The following GTF2IRD1 variants were observed in gnomAD, a reference collection of about 807,000 sequenced individuals.
The protein encoded by GTF2IRD1 is GTF2I repeat domain containing 1.
Under a neutral mutation model 113.2 loss-of-function variants are expected in GTF2IRD1, and 26 were observed. The ratio of observed to expected loss-of-function variants is 0.23; its 90% CI spans 0.17 to 0.32. The LOEUF is 0.32. Ranked by LOEUF, GTF2IRD1 falls within the 10% of genes least tolerant of loss-of-function variation. The probability of loss-of-function intolerance (pLI) is 1.00; values close to 1 mark genes in which losing one functional copy is unlikely to be tolerated. For missense variants in GTF2IRD1, 864 were observed against 1,280.8 expected, an observed-to-expected ratio of 0.67 and a Z score of 4.97; for synonymous variants, 484 against 529.1, an observed-to-expected ratio of 0.91 and a Z score of 1.17.
chr7:74,536,597 C>T (rs1167571325), intron 11 of GTF2IRD1, among the ~76,000 whole-genome samples: 1 of 151,984 alleles, frequency 6.6e-6, no homozygotes, highest in Non-Finnish European at 1.5e-5. Context: ...CTCTTGAGGT[C>T]AGGAGTTCGA....
intron 22 of GTF2IRD1, among the ~76,000 whole-genome samples, chr7:74,566,263 C>T (rs587746115): frequency 1.3e-5 from 2 of 152,338 alleles, no homozygotes; most frequent in South Asian, 2.1e-4. Flanking sequence ...CCTCTTCAGG[C>T]TGTATCATGG....
chr7:74,579,343 C>A (rs1230645385), intron 22 of GTF2IRD1, among the ~76,000 whole-genome samples: 3 of 152,070 alleles, frequency 2.0e-5, no homozygotes, highest in African/African-American at 4.8e-5. Context: ...GAAGGCCAGG[C>A]GCAGTGGCTC....
intron 17 of GTF2IRD1, among the ~76,000 whole-genome samples, chr7:74,550,048 AT>A (rs782152466): frequency 8.9e-5 from 13 of 145,654 alleles, no homozygotes; most frequent in African/African-American, 3.1e-4. Flanking sequence ...AAAAAAAAAA[AT>A]TAGCCAGGCA....
chr7:74,463,176 G>A (rs760121170), intron 1 of GTF2IRD1, among the ~76,000 whole-genome samples: 1 of 152,160 alleles, frequency 6.6e-6, no homozygotes, highest in African/African-American at 2.4e-5. Flanking sequence ...CAGGAGTTAG[G>A]ATCAAACGGA....
intron 14 of GTF2IRD1, among the ~76,000 whole-genome samples, chr7:74,540,179 T>G (rs1798551097): frequency 6.6e-6 from 1 of 152,146 alleles, no homozygotes; most frequent in Admixed American, 6.6e-5. Context: ...GGAGTTTCAC[T>G]CTTGTTGCCC....
At chr7:74,475,194 G>A (rs571795991) in intron 1 of GTF2IRD1, among the ~76,000 whole-genome samples, 6 of 152,320 alleles carry the variant, frequency 3.9e-5, no homozygotes, top group African/African-American at 1.4e-4. Flanking sequence ...GTTGGAGGCT[G>A]CAGTGAGCTA....
intron 8 of GTF2IRD1, among the ~76,000 whole-genome samples, chr7:74,528,093 C>T (rs1290945969): frequency 1.3e-5 from 2 of 152,210 alleles, no homozygotes; most frequent in African/African-American, 4.8e-5. Flanking sequence ...TGCAACTACT[C>T]GCCTGCCAGG....
At chr7:74,582,541 G>C (rs1583951946) in intron 22 of GTF2IRD1, among the ~76,000 whole-genome samples, 2 of 152,130 alleles carry the variant, frequency 1.3e-5, no homozygotes, top group East Asian at 3.9e-4. Context: ...TGACAGGCAT[G>C]AGCCACTGTG....
intron 1 of GTF2IRD1, chr7:74,506,780 C>T (rs1169929147): frequency 6.6e-6 from 1 of 152,192 alleles, no homozygotes; most frequent in Non-Finnish European, 1.5e-5. Context: ...TCATGGGTGC[C>T]CAGCTGGACA....
intron 6 of GTF2IRD1, among the ~76,000 whole-genome samples, chr7:74,520,199 C>G (rs992523836): frequency 2.0e-4 from 30 of 149,898 alleles, no homozygotes; most frequent in African/African-American, 7.3e-4. Context: ...TAGTCATCCT[C>G]ATGCATTCCA....
chr7:74,555,146 CT>C lies in GTF2IRD1; in HGVS notation c.1917-27del. The C allele has an allele frequency of 6.2e-7, 1 of 1,610,824 alleles. No individual in the cohort carries two copies. The highest frequency in any genetic ancestry group is 8.5e-7 in the Non-Finnish European group (1 of 1,178,034). On this transcript the variant is annotated intron_variant, in intron 17 of 26. Transcript: ENST00000424337. This position sits in a 1 kb window ranked among gnomAD's most constrained non-coding sequence, Gnocchi z 5.3. The stretch of plus-strand genomic sequence containing the variant: ...GTCCCAGAGATGCTTGGAGGGACCT[CT>C]GTGATAGCCTCGCTTGTGTTTTCCA...
intron 7 of GTF2IRD1, 42 bp downstream of exon 7, chr7:74,521,339 C>G: frequency 8.3e-7 from 1 of 1,203,664 alleles, no homozygotes; most frequent in Non-Finnish European, 1.2e-6. Context: ...GAGTGGGAAT[C>G]TGAGGTTGGA....
intron 4 of GTF2IRD1, 65 bp from the exon 5 acceptor site, chr7:74,518,074 G>A: frequency 8.1e-7 from 1 of 1,227,388 alleles, no homozygotes; most frequent in Non-Finnish European, 1.1e-6. Context: ...CTGGGGCACA[G>A]CAGCCCCGAC....
At chr7:74,489,004 T>C (rs771477201) in intron 1 of GTF2IRD1, among the ~76,000 whole-genome samples, 2 of 151,542 alleles carry the variant, frequency 1.3e-5, no homozygotes, top group African/African-American at 2.4e-5. Context: ...TAGCCGGGTG[T>C]GGTGGTGGGT....
chr7:74,600,413 TA>T, intron 25 of GTF2IRD1, among the ~76,000 whole-genome samples: 1 of 151,990 alleles, frequency 6.6e-6, no homozygotes, highest in East Asian at 1.9e-4. Context: ...AGTGAGACCC[TA>T]AAAAACAATA....
At chr7:74,564,995 G>A (rs2130822907) in intron 22 of GTF2IRD1, among the ~76,000 whole-genome samples, 1 of 152,200 alleles carries the variant, frequency 6.6e-6, no homozygotes, top group South Asian at 2.1e-4. Context: ...GTTTCTGGGG[G>A]CCAGGGGTAC....
intron 14 of GTF2IRD1, 90 bp downstream of exon 14, chr7:74,540,058 T>G: frequency 1.1e-6 from 1 of 895,918 alleles, no homozygotes; most frequent in Non-Finnish European, 1.8e-6. Context: ...CCCAGGTGTT[T>G]CTTGGTGTCA....
At position 74,518,202 on chromosome 7, in the gene GTF2IRD1, G is replaced by A. The variant is rs587732088; in HGVS notation, c.485G>A (p.Gly162Glu). The A allele has an allele frequency of 5.0e-6, 8 of 1,611,112 alleles. No individual in the cohort carries two copies. Among genetic ancestry groups the A allele is most frequent in the South Asian group, 3.3e-5 (3 of 90,890 alleles). Reference protein sequence around the residue: ...LPYERLLREPGLLAVQGLPEG... With the variant: ...LPYERLLREPELLAVQGLPEG... ...TATGAGAGGCTGCTCAGGGAGCCAG[G>A]GCTGCTGGCCGTGCAGGGGCTGCCC... The change falls in exon 5 of 27, where the codon GGG becomes GAG. Residue 162 changes from glycine to glutamate, a missense_variant. Gly to Glu is a moderately conservative substitution (Grantham distance 98, BLOSUM62 -2). Around this residue, in one of 7 missense-constraint regions of GTF2IRD1, gnomAD observed 182 missense variants for 266.6 expected, o/e 0.68. Transcript: ENST00000424337.
chr7:74,598,847 C>T (rs1554373137), intron 25 of GTF2IRD1, among the ~76,000 whole-genome samples: 1 of 152,156 alleles, frequency 6.6e-6, no homozygotes, highest in Non-Finnish European at 1.5e-5. Flanking sequence ...ACAAAAATCC[C>T]TCTGACTCAT....
Sources: gnomAD v4.1 joint callset for allele counts (sites outside exome capture counted in the v4.1 genomes callset) on GRCh38, gnomAD v4.1.1 for gene constraint, gnomAD v4.1.1 regional missense constraint, Gnocchi (gnomAD v3.1) non-coding constraint, MANE v1.5 for transcripts, NCBI Gene and HGNC (gene_info 2026-07-23, HGNC 2026-07-21) for gene names.